CSMD3: variants seen among roughly 807,000 people sequenced by gnomAD.
The protein encoded by CSMD3 is CUB and Sushi multiple domains 3, also known as CUB and sushi domain-containing protein 3.
CSMD3 carries 177 observed loss-of-function variants against 435.2 expected under a neutral mutation model. That is an observed-to-expected ratio of 0.41 (90% CI 0.36 to 0.46). The LOEUF is 0.46. Among genes scored for constraint, CSMD3 ranks in the 20% least tolerant of loss-of-function variants. The pLI is 0.34. For synonymous variants in CSMD3, 1,656 were observed against 1,520.5 expected (o/e 1.09, Z -2.07); for missense variants, 4,265 against 4,504.6 (o/e 0.95, Z 1.52).
intron 1 of CSMD3, among the ~76,000 whole-genome samples, chr8:113,328,258 G>A (rs2093999083): frequency 6.6e-6 from 1 of 151,460 alleles, no homozygotes; most frequent in South Asian, 2.1e-4. Flanking sequence ...CTAAAACGGT[G>A]AAACCCCGTC....
chr8:112,262,161 C>A (rs996668061), intron 61 of CSMD3, among the ~76,000 whole-genome samples: 1 of 151,852 alleles, frequency 6.6e-6, no homozygotes, highest in East Asian at 1.9e-4. Context: ...ATAAATCTAG[C>A]ACTGATTTAT....
At chr8:113,163,577 A>G (rs1338876801) in intron 4 of CSMD3, among the ~76,000 whole-genome samples, 1 of 152,056 alleles carries the variant, frequency 6.6e-6, no homozygotes, top group Non-Finnish European at 1.5e-5. Context: ...ATTAAATATT[A>G]AACTGTAGAA....
At chr8:112,734,321 T>C (rs1334515756) in intron 13 of CSMD3, among the ~76,000 whole-genome samples, 1 of 151,750 alleles carries the variant, frequency 6.6e-6, no homozygotes, top group Non-Finnish European at 1.5e-5. Flanking sequence ...GTTAAATTTC[T>C]CTTTAACAGA....
chr8:112,952,859 A>G (rs1587747473), intron 8 of CSMD3, among the ~76,000 whole-genome samples: 1 of 151,490 alleles, frequency 6.6e-6, no homozygotes, highest in Non-Finnish European at 1.5e-5. Flanking sequence ...TAAACAAGAT[A>G]TTTTTATTAG....
chr8:112,501,407 AAAAG>A (rs1821945681), intron 30 of CSMD3, among the ~76,000 whole-genome samples: 1 of 151,970 alleles, frequency 6.6e-6, no homozygotes, highest in Admixed American at 6.6e-5. Flanking sequence ...AAAAAAAAAA[AAAAG>A]AAAGAAAATC....
chr8:113,191,641 T>C (rs1210969792), intron 3 of CSMD3, among the ~76,000 whole-genome samples: 1 of 151,884 alleles, frequency 6.6e-6, no homozygotes, highest in Non-Finnish European at 1.5e-5. Context: ...GTATCACATT[T>C]TCTTTATCCG....
At chr8:113,397,548 C>T (rs1419644517) in intron 1 of CSMD3, among the ~76,000 whole-genome samples, 2 of 151,964 alleles carry the variant, frequency 1.3e-5, no homozygotes, top group Non-Finnish European at 2.9e-5. Flanking sequence ...GGGCCGGGCG[C>T]GGTGGCTCAG....
At chr8:112,255,489 G>T in intron 61 of CSMD3, 62 bp from the exon 62 acceptor site, 1 of 1,410,438 alleles carries the variant, frequency 7.1e-7, no homozygotes, top group Non-Finnish European at 1.0e-6. Flanking sequence ...TACACAGTTT[G>T]GAAAAATGGT....
chr8:112,994,264 T>A (rs186215345), intron 6 of CSMD3, among the ~76,000 whole-genome samples: 1 of 151,746 alleles, frequency 6.6e-6, no homozygotes, highest in South Asian at 2.1e-4. Flanking sequence ...AGTGAAGTAA[T>A]GTTCTGTATT....
intron 28 of CSMD3, among the ~76,000 whole-genome samples, chr8:112,513,709 G>C (rs1823378836): frequency 6.6e-6 from 1 of 152,138 alleles, no homozygotes; most frequent in Non-Finnish European, 1.5e-5. Context: ...CGTAATATCT[G>C]TGGCATGCAA....
chr8:112,758,196 T>C (rs1346446445), intron 13 of CSMD3, among the ~76,000 whole-genome samples: 1 of 151,514 alleles, frequency 6.6e-6, no homozygotes, highest in African/African-American at 2.4e-5. Context: ...CTACTGAAAA[T>C]ACAAAAAATT....
At chr8:113,402,411 T>G (rs1239187469) in intron 1 of CSMD3, among the ~76,000 whole-genome samples, 5 of 151,468 alleles carry the variant, frequency 3.3e-5, no homozygotes, top group Non-Finnish European at 7.4e-5. Context: ...CTACTTTCTT[T>G]AAAATGCAGA....
intron 10 of CSMD3, among the ~76,000 whole-genome samples, chr8:112,897,841 C>T (rs1298149560): frequency 6.6e-6 from 1 of 150,742 alleles, no homozygotes; most frequent in Non-Finnish European, 1.5e-5. Flanking sequence ...TATAAAAGGA[C>T]TACTAAGTAA....
intron 23 of CSMD3, among the ~76,000 whole-genome samples, chr8:112,580,476 T>C (rs1830259893): frequency 6.6e-6 from 1 of 150,736 alleles, no homozygotes; most frequent in South Asian, 2.1e-4. Context: ...AGAGGGAACA[T>C]GTACCTGGCT....
intron 1 of CSMD3, among the ~76,000 whole-genome samples, chr8:113,343,525 A>G (rs1241612547): frequency 6.6e-6 from 1 of 152,194 alleles, no homozygotes; most frequent in Non-Finnish European, 1.5e-5. Context: ...ATTGGAAAAG[A>G]TAGTGCCTTT....
chr8:113,334,574 G>A (rs902880629), intron 1 of CSMD3, among the ~76,000 whole-genome samples: 1 of 151,984 alleles, frequency 6.6e-6, no homozygotes, highest in Admixed American at 6.6e-5. Flanking sequence ...TATCAGGACA[G>A]TGATACCTGC....
At chr8:112,643,104 G>A (rs147126435) in intron 20 of CSMD3, among the ~76,000 whole-genome samples, 60 of 152,198 alleles carry the variant, frequency 3.9e-4, no homozygotes, top group Admixed American at 5.9e-4. Flanking sequence ...TGAAAAACAT[G>A]GTAGTCTCAG....
At chr8:112,312,582 A>C (rs1334465252) in intron 49 of CSMD3, among the ~76,000 whole-genome samples, 1 of 152,088 alleles carries the variant, frequency 6.6e-6, no homozygotes, top group East Asian at 1.9e-4. Context: ...AAACACGTCT[A>C]CTTTGATTGC....
intron 24 of CSMD3, among the ~76,000 whole-genome samples, chr8:112,562,310 A>T (rs563238446): frequency 6.6e-6 from 1 of 151,744 alleles, no homozygotes; most frequent in Non-Finnish European, 1.5e-5. Flanking sequence ...TAAAAGTGAC[A>T]TGTGAAAATT....
Sources: gnomAD v4.1 joint callset for allele counts (sites outside exome capture counted in the v4.1 genomes callset) on GRCh38, gnomAD v4.1.1 for gene constraint, MANE v1.5 for transcripts, NCBI Gene and HGNC (gene_info 2026-07-23, HGNC 2026-07-21) for gene names.